The following CNOT2 variants were observed in gnomAD, a reference collection of about 807,000 sequenced individuals.
The protein encoded by CNOT2 is CCR4-NOT transcription complex subunit 2, also known as CC chemokine receptor 4-negative regulator of transcription 2.
CNOT2 carries 7 observed loss-of-function variants against 72.1 expected under a neutral mutation model. The observed-to-expected ratio is 0.10, with a 90% CI of 0.06 to 0.18. The LOEUF is 0.18. CNOT2 is among the 10% of genes least tolerant of loss of function. The pLI is 1.00. For synonymous variants in CNOT2, 196 were observed against 225.6 expected (o/e 0.87, Z 1.17); for missense variants, 345 against 660.3 (o/e 0.52, Z 5.23).
At chr12:70,297,626 C>G (rs1474151927) in intron 2 of CNOT2, 3 of 197,856 alleles carry the variant, frequency 1.5e-5, no homozygotes, top group African/African-American at 7.2e-5. Context: ...AAATTGTGTT[C>G]ACTATACTTA....
intron 2 of CNOT2, among the ~76,000 whole-genome samples, chr12:70,304,952 TG>T (rs1480566994): frequency 6.6e-6 from 1 of 152,220 alleles, no homozygotes; most frequent in Non-Finnish European, 1.5e-5. Context: ...CCGGGCTCCG[TG>T]GGCGTAGGAC....
At position 70,344,241 on chromosome 12, in the gene CNOT2, T is replaced by G; in HGVS notation, c.1391+13T>G. Reference sequence around the variant, plus strand: ...CTGCAGTGGAGCTGTATGTTCAAAGTATTTTAATCACTTTTGTATTATAGT... The same window carrying G: ...CTGCAGTGGAGCTGTATGTTCAAAGGATTTTAATCACTTTTGTATTATAGT... On this transcript the variant is annotated intron_variant, in intron 14 of 15. Transcript: ENST00000229195. 1 of 1,513,786 alleles carries G rather than the reference T, an allele frequency of 6.6e-7. No homozygotes were observed. Among genetic ancestry groups the G allele is most frequent in the Non-Finnish European group, 9.2e-7 (1 of 1,089,452 alleles). 93.8% of individuals were successfully genotyped at this position (1,513,786 alleles called of 1,614,324 possible). A position where few individuals can be genotyped will look rare whatever the true frequency, so the allele number is the denominator to read the frequency against.
chr12:70,251,705 A>C (rs531301636), intron 1 of CNOT2, among the ~76,000 whole-genome samples: 1 of 152,360 alleles, frequency 6.6e-6, no homozygotes, highest in Non-Finnish European at 1.5e-5. Flanking sequence ...AGTACTTTGC[A>C]TTCATATAAG....
chr12:70,276,983 G>T (rs1010887521), intron 1 of CNOT2, among the ~76,000 whole-genome samples: 1 of 151,714 alleles, frequency 6.6e-6, no homozygotes, highest in Non-Finnish European at 1.5e-5. Context: ...TGTTCTGCCC[G>T]TATAGATTGC....
chr12:70,305,941 T>C (rs1471144506), intron 2 of CNOT2, among the ~76,000 whole-genome samples: 1 of 125,878 alleles, frequency 7.9e-6, no homozygotes, highest in Non-Finnish European at 1.6e-5. Context: ...GGCTTTGAAA[T>C]ACTGTATTTA....
At chr12:70,275,671 G>A (rs12321795) in intron 1 of CNOT2, among the ~76,000 whole-genome samples, 2,050 of 152,040 alleles carry the variant, frequency 0.013, 45 homozygotes, top group African/African-American at 0.046. Flanking sequence ...GCAAATATTT[G>A]TCTTTTCTGA....
In CNOT2 at chr12:70,271,574, T is replaced by C. The variant is rs377191864; in HGVS notation, c.-95-6558T>C. Among the ~76,000 whole-genome samples, 3 of 152,068 alleles carry C rather than the reference T, an allele frequency of 2.0e-5. No homozygotes were observed. The East Asian group carries it at 5.8e-4, about 30-fold the overall frequency. ...TTTTTAGTAGAGATGGGGTGTGCCA[T>C]GTTGGCCAGACTGGTCTTGAACTCC... is the stretch of plus-strand genomic sequence containing the variant. On this transcript the variant is annotated intron_variant, in intron 1 of 15. Coordinates refer to ENST00000229195, the MANE Select transcript of CNOT2 (RefSeq NM_014515.7).
intron 2 of CNOT2, chr12:70,297,694 G>A (rs1431018942): frequency 9.9e-6 from 3 of 301,930 alleles, no homozygotes; most frequent in African/African-American, 2.3e-5. Flanking sequence ...ATAGCTTTTA[G>A]TAGTTATTTC....
intron 1 of CNOT2, among the ~76,000 whole-genome samples, chr12:70,262,633 C>G (rs1436590628): frequency 1.3e-5 from 2 of 152,034 alleles, no homozygotes; most frequent in African/African-American, 2.4e-5. Context: ...TTCTGCCAAT[C>G]CATCTTAATC....
At chr12:70,256,827 A>G (rs1958475905) in intron 1 of CNOT2, among the ~76,000 whole-genome samples, 1 of 152,116 alleles carries the variant, frequency 6.6e-6, no homozygotes, top group South Asian at 2.1e-4. Context: ...TGTAATAAAG[A>G]GAGGAGAAAA....
At chr12:70,260,999 G>T (rs1814446042) in intron 1 of CNOT2, among the ~76,000 whole-genome samples, 2 of 151,506 alleles carry the variant, frequency 1.3e-5, no homozygotes, top group South Asian at 4.2e-4. Flanking sequence ...GTATATACCT[G>T]TGTTTTTGTT....
chr12:70,253,154 A>C (rs1958234070), intron 1 of CNOT2, among the ~76,000 whole-genome samples: 1 of 152,228 alleles, frequency 6.6e-6, no homozygotes, highest in South Asian at 2.1e-4. Flanking sequence ...CATAATAGGC[A>C]TTTAATAATT....
intron 2 of CNOT2, among the ~76,000 whole-genome samples, chr12:70,282,200 G>A (rs1032187601): frequency 6.6e-6 from 1 of 152,136 alleles, no homozygotes. Flanking sequence ...GTATGGGAAG[G>A]TAGAGGTATT....
intron 14 of CNOT2, chr12:70,345,793 T>C (rs1482459260): frequency 6.4e-6 from 1 of 157,222 alleles, no homozygotes; most frequent in Non-Finnish European, 1.4e-5. Context: ...ATGCAAATAG[T>C]TGGAGATACC....
At chr12:70,331,976 T>C (rs1244587049) in intron 6 of CNOT2, among the ~76,000 whole-genome samples, 1 of 151,734 alleles carries the variant, frequency 6.6e-6, no homozygotes, top group Non-Finnish European at 1.5e-5. Context: ...CTTATTTTTT[T>C]TTTTTTCTTC....
At chr12:70,257,965 CACTGAT>C (rs1480961072) in intron 1 of CNOT2, among the ~76,000 whole-genome samples, 1 of 152,082 alleles carries the variant, frequency 6.6e-6, no homozygotes, top group African/African-American at 2.4e-5. Flanking sequence ...AATTTACTGT[CACTGAT>C]ACTGAGTATG....
intron 2 of CNOT2, among the ~76,000 whole-genome samples, chr12:70,295,214 A>C (rs1441825132): frequency 6.6e-6 from 1 of 152,192 alleles, no homozygotes; most frequent in Non-Finnish European, 1.5e-5. Context: ...CAAGAAAAAC[A>C]GACTCTTAAG....
chr12:70,258,930 G>A (rs1422776682), intron 1 of CNOT2, among the ~76,000 whole-genome samples: 1 of 152,148 alleles, frequency 6.6e-6, no homozygotes, highest in African/African-American at 2.4e-5. Context: ...GAGTGTAGTG[G>A]GAAAGGAAGA....
At chr12:70,329,833 C>G (rs1053235325) in intron 5 of CNOT2, among the ~76,000 whole-genome samples, 1 of 151,920 alleles carries the variant, frequency 6.6e-6, no homozygotes, top group African/African-American at 2.4e-5. Context: ...TCAAAAGGCA[C>G]CTGTCTTCCT....
Sources: gnomAD v4.1 joint callset for allele counts (sites outside exome capture counted in the v4.1 genomes callset) on GRCh38, gnomAD v4.1.1 for gene constraint, MANE v1.5 for transcripts, NCBI Gene and HGNC (gene_info 2026-07-23, HGNC 2026-07-21) for gene names.